PCDHGA2: variants seen among roughly 807,000 people sequenced by gnomAD.
PCDHGA2 encodes the protein protocadherin gamma-A2.
A neutral mutation model predicts 59.2 loss-of-function variants in PCDHGA2; 40 were observed. The observed-to-expected ratio is 0.68, with a 90% CI of 0.52 to 0.88. PCDHGA2 has a LOEUF of 0.88. Among genes scored for constraint, PCDHGA2 ranks in the 40% least tolerant of loss-of-function variants. The pLI is 0.00. For synonymous variants in PCDHGA2, 560 were observed against 526.0 expected (o/e 1.06, Z -0.89); for missense variants, 1,226 against 1,204.0 (o/e 1.02, Z -0.27).
chr5:141,418,606 T>A (rs1279991875), intron 1 of PCDHGA2: 1 of 1,614,030 alleles, frequency 6.2e-7, no homozygotes. Context: ...TGTACAGGGT[T>A]AGCCTTCGGG....
In PCDHGA2 at chr5:141,489,594, TGTAGAG is replaced by T. The variant is rs1298302866; in HGVS notation, c.2425-5206_2425-5201del. 1 of 1,613,958 alleles carries T rather than the reference TGTAGAG, an allele frequency of 6.2e-7. No homozygotes were observed. The highest frequency in any genetic ancestry group is 1.3e-5 in the African/African-American group (1 of 74,906). ...CTGAACACCCCCTGGAGCTAATCCG[TGTAGAG>T]GTAGAGATCCTGGATCTCAATGACA... On this transcript the variant is annotated intron_variant, in intron 1 of 3. Coordinates refer to ENST00000394576, the MANE Select transcript of PCDHGA2 (RefSeq NM_018915.4). The surrounding 1 kb of genome is among the most constrained non-coding windows in gnomAD (Gnocchi z 4.5).
At chr5:141,409,729 G>A (rs781234442) in intron 1 of PCDHGA2, 161 of 1,612,966 alleles carry the variant, frequency 1.0e-4, no homozygotes, top group Non-Finnish European at 1.7e-6. Context: ...CAGTGAGCGC[G>A]CAGAGCGGGG....
At chr5:141,466,280 C>T (rs1181499549) in intron 1 of PCDHGA2, among the ~76,000 whole-genome samples, 1 of 152,142 alleles carries the variant, frequency 6.6e-6, no homozygotes, top group Admixed American at 6.6e-5. Flanking sequence ...AAGCAATCTT[C>T]CCACCTCAGG....
intron 1 of PCDHGA2, chr5:141,408,127 G>A (rs1017651550): frequency 2.0e-6 from 3 of 1,480,258 alleles, no homozygotes; most frequent in African/African-American, 2.8e-5. Context: ...GTCCTGGGCC[G>A]AATGCTCTTT....
At chr5:141,408,271 T>C (rs948446189) in intron 1 of PCDHGA2, 7 of 1,610,858 alleles carry the variant, frequency 4.3e-6, no homozygotes, top group Non-Finnish European at 5.9e-6. Context: ...TGCTGCTGCC[T>C]TTGTTCTACC....
chr5:141,478,576 G>C (rs543160289), intron 1 of PCDHGA2: 3 of 1,585,598 alleles, frequency 1.9e-6, no homozygotes, highest in Middle Eastern at 3.3e-4. Flanking sequence ...GCTTGACCCT[G>C]TTAGTGCTTT....
chr5:141,433,142 G>A, intron 1 of PCDHGA2: 2 of 1,614,108 alleles, frequency 1.2e-6, no homozygotes, highest in African/African-American at 1.3e-5. Flanking sequence ...TTTGCTGTCA[G>A]GTGATTCGGT....
intron 1 of PCDHGA2, chr5:141,418,485 A>T: frequency 6.2e-7 from 1 of 1,614,028 alleles, no homozygotes; most frequent in Non-Finnish European, 8.5e-7. Flanking sequence ...AGCGCTCACC[A>T]CTTGGTACTG....
chr5:141,371,112 C>T (rs756319459), intron 1 of PCDHGA2: 1 of 1,613,922 alleles, frequency 6.2e-7, no homozygotes, highest in Non-Finnish European at 8.5e-7. Flanking sequence ...TGATAACCCC[C>T]CAGTATTTAC....
At chr5:141,357,162 C>T (rs769060536) in intron 1 of PCDHGA2, 39 of 1,613,662 alleles carry the variant, frequency 2.4e-5, no homozygotes, top group Admixed American at 2.3e-4. Flanking sequence ...AGCCCCCTCT[C>T]TCGGCCACCG....
At chr5:141,439,739 G>A (rs867225156) in intron 1 of PCDHGA2, 4 of 152,312 alleles carry the variant, frequency 2.6e-5, no homozygotes, top group Non-Finnish European at 5.9e-5. Flanking sequence ...GGAACGGAAC[G>A]GATTTACAGG....
intron 1 of PCDHGA2, among the ~76,000 whole-genome samples, chr5:141,424,906 A>T (rs1417615946): frequency 5.9e-5 from 9 of 152,212 alleles, no homozygotes. Context: ...GATCACAGGA[A>T]TCATTTCCAT....
intron 1 of PCDHGA2, chr5:141,440,087 A>C (rs1014881024): frequency 6.6e-6 from 1 of 152,316 alleles, no homozygotes; most frequent in African/African-American, 2.4e-5. Context: ...CTTCATTCTA[A>C]GTGGGGAAAG....
chr5:141,362,269 T>C, intron 1 of PCDHGA2: 2 of 1,614,034 alleles, frequency 1.2e-6, no homozygotes, highest in Non-Finnish European at 1.7e-6. Context: ...TCTGGCAATC[T>C]CCCTGCGCCT....
chr5:141,418,244 C>G (rs746986702), intron 1 of PCDHGA2: 1 of 1,613,980 alleles, frequency 6.2e-7, no homozygotes. Flanking sequence ...TGTTAATGAC[C>G]ACGCCCCTCA....
At chr5:141,443,209 C>T (rs1183847804) in intron 1 of PCDHGA2, among the ~76,000 whole-genome samples, 2 of 152,030 alleles carry the variant, frequency 1.3e-5, no homozygotes, top group African/African-American at 2.4e-5. Flanking sequence ...GAGCTTGTCT[C>T]GCCAGGCGCA....
chr5:141,401,537 A>G (rs188857820), intron 1 of PCDHGA2, among the ~76,000 whole-genome samples: 56 of 152,362 alleles, frequency 3.7e-4, no homozygotes, highest in Non-Finnish European at 7.5e-4. Context: ...AACTTACAAA[A>G]AAAAGGAAAT....
chr5:141,404,392 T>A, intron 1 of PCDHGA2: 1 of 1,613,938 alleles, frequency 6.2e-7, no homozygotes, highest in Non-Finnish European at 8.5e-7. Context: ...ATGACCCTGA[T>A]AGCAATGAGA....
chr5:141,356,922 T>C, intron 1 of PCDHGA2: 1 of 1,613,632 alleles, frequency 6.2e-7, no homozygotes, highest in Admixed American at 1.7e-5. Context: ...GCTCCACTGG[T>C]GTGGAGCTGG....
Sources: gnomAD v4.1 joint callset for allele counts (sites outside exome capture counted in the v4.1 genomes callset) on GRCh38, gnomAD v4.1.1 for gene constraint, Gnocchi (gnomAD v3.1) non-coding constraint, MANE v1.5 for transcripts, NCBI Gene and HGNC (gene_info 2026-07-23, HGNC 2026-07-21) for gene names.